GREB1L: variants seen among roughly 807,000 people sequenced by gnomAD.
GREB1L encodes the protein GREB1-like protein.
In GREB1L, 17 loss-of-function variants were observed where a neutral mutation model predicts 200.8. That is an observed-to-expected ratio of 0.08 (90% CI 0.06 to 0.13). GREB1L has a LOEUF of 0.13. Among genes scored for constraint, GREB1L ranks in the 10% least tolerant of loss-of-function variants. The probability of loss-of-function intolerance (pLI) is 1.00; values close to 1 mark genes in which losing one functional copy is unlikely to be tolerated. For missense variants in GREB1L, 1,657 were observed against 2,367.7 expected (o/e 0.70, Z 6.23); for synonymous variants, 789 against 893.0 (o/e 0.88, Z 2.08).
chr18:21,363,229 A>T (rs1437907615), intron 1 of GREB1L, among the ~76,000 whole-genome samples: 1 of 148,190 alleles, frequency 6.7e-6, no homozygotes, highest in African/African-American at 2.5e-5. Context: ...TTGAATATTG[A>T]TGAATAAAAG....
At chr18:21,465,068 C>T (rs2035213765) in intron 15 of GREB1L, among the ~76,000 whole-genome samples, 1 of 152,046 alleles carries the variant, frequency 6.6e-6, no homozygotes, top group Non-Finnish European at 1.5e-5. Flanking sequence ...AACTAATGAA[C>T]ATATCCATTA....
chr18:21,445,755 C>G (rs955495705), intron 11 of GREB1L, among the ~76,000 whole-genome samples: 1 of 152,164 alleles, frequency 6.6e-6, no homozygotes, highest in African/African-American at 2.4e-5. Flanking sequence ...TTGAAATTTA[C>G]AAGGCACCAA....
chr18:21,411,412 T>C (rs1477075387), intron 7 of GREB1L, among the ~76,000 whole-genome samples: 1 of 152,010 alleles, frequency 6.6e-6, no homozygotes, highest in African/African-American at 2.4e-5. Context: ...TTCACCATGT[T>C]AGCCAGGATG....
rs767917892 is a variant in GREB1L, at chr18:21,525,689, A to ACTT, written c.*2871_*2873dup. Among the ~76,000 whole-genome samples, 135 of 152,342 alleles carry ACTT rather than the reference A, an allele frequency of 8.9e-4. No individual in the cohort carries two copies. Among genetic ancestry groups the ACTT allele is most frequent in the Non-Finnish European group, 1.7e-3 (113 of 68,032 alleles). ...TTGTTATTGTTAATCTCCAGTTAAA[A>ACTT]CTTCTCAAACTTTTTGAGAGTGTCT... On this transcript the variant is annotated 3_prime_UTR_variant, in exon 33 of 33. Transcript: ENST00000424526.
chr18:21,274,405 A>G (rs563964498), intron 1 of GREB1L, among the ~76,000 whole-genome samples: 1 of 151,896 alleles, frequency 6.6e-6, no homozygotes, highest in South Asian at 2.1e-4. Flanking sequence ...CACACAAACA[A>G]CACAATTTTT....
At chr18:21,349,049 G>C (rs2039396034) in intron 1 of GREB1L, among the ~76,000 whole-genome samples, 1 of 152,156 alleles carries the variant, frequency 6.6e-6, no homozygotes, top group Non-Finnish European at 1.5e-5. Flanking sequence ...CTGAAGTCAA[G>C]TCCTGAATTT....
At chr18:21,517,310 G>A (rs1158100362) in intron 30 of GREB1L, among the ~76,000 whole-genome samples, 2 of 152,146 alleles carry the variant, frequency 1.3e-5, no homozygotes, top group Admixed American at 1.3e-4. Flanking sequence ...TTGGATTTAA[G>A]CCTTAACACA....
intron 1 of GREB1L, among the ~76,000 whole-genome samples, chr18:21,365,285 C>T (rs1156917077): frequency 6.6e-6 from 1 of 152,038 alleles, no homozygotes. Context: ...TAACAAAGGA[C>T]TAGAAATGCT....
At chr18:21,468,599 T>C in intron 15 of GREB1L, 1 of 398,004 alleles carries the variant, frequency 2.5e-6, no homozygotes, top group Non-Finnish European at 5.1e-6. Context: ...CTTCACTCAG[T>C]TTCTCTTAAA....
chr18:21,373,521 A>T (rs910568593), intron 2 of GREB1L, among the ~76,000 whole-genome samples: 3 of 152,132 alleles, frequency 2.0e-5, no homozygotes, highest in African/African-American at 7.2e-5. Context: ...TTCAGTAGAG[A>T]TAGAGTTTCA....
intron 1 of GREB1L, among the ~76,000 whole-genome samples, chr18:21,364,491 A>G (rs1251441915): frequency 6.6e-6 from 1 of 152,128 alleles, no homozygotes; most frequent in Non-Finnish European, 1.5e-5. Flanking sequence ...AAAAAAAAAA[A>G]TGATTTTGTC....
At chr18:21,281,641 A>G (rs1266204798) in intron 1 of GREB1L, among the ~76,000 whole-genome samples, 1 of 152,246 alleles carries the variant, frequency 6.6e-6, no homozygotes, top group Admixed American at 6.5e-5. Context: ...ATTTTGGTAC[A>G]TGTCCATTCT....
chr18:21,310,482 A>G (rs1471566863), intron 1 of GREB1L, among the ~76,000 whole-genome samples: 1 of 152,252 alleles, frequency 6.6e-6, no homozygotes. Context: ...CTGACTTACT[A>G]GAAAACAACT....
At chr18:21,398,222 A>C (rs2041167961) in intron 5 of GREB1L, among the ~76,000 whole-genome samples, 1 of 152,198 alleles carries the variant, frequency 6.6e-6, no homozygotes, top group Non-Finnish European at 1.5e-5. Context: ...TTCTAATCCC[A>C]GATTTGTCAC....
intron 7 of GREB1L, among the ~76,000 whole-genome samples, chr18:21,426,958 C>CAA (rs568993346): frequency 7.6e-4 from 52 of 68,362 alleles, no homozygotes; most frequent in Non-Finnish European, 1.6e-3. Flanking sequence ...GACTACGTCT[C>CAA]AAAAAAAAAA....
intron 1 of GREB1L, among the ~76,000 whole-genome samples, chr18:21,257,871 T>C (rs2037825876): frequency 6.6e-6 from 1 of 152,206 alleles, no homozygotes; most frequent in Admixed American, 6.5e-5. Context: ...CACATATCAT[T>C]TCTAATCCTC....
At chr18:21,404,106 G>A in intron 7 of GREB1L, 112 bp downstream of exon 7, 1 of 962,710 alleles carries the variant, frequency 1.0e-6, no homozygotes, top group South Asian at 1.7e-5. Context: ...CAAAATAAAG[G>A]TATTACTTGA....
chr18:21,249,054 A>T (rs2037654329), intron 1 of GREB1L, among the ~76,000 whole-genome samples: 1 of 152,250 alleles, frequency 6.6e-6, no homozygotes, highest in African/African-American at 2.4e-5. Flanking sequence ...GAAACCACCT[A>T]AACACCATGT....
At chr18:21,419,775 A>G (rs2031988380) in intron 7 of GREB1L, among the ~76,000 whole-genome samples, 1 of 152,238 alleles carries the variant, frequency 6.6e-6, no homozygotes, top group Admixed American at 6.5e-5. Flanking sequence ...CAAAAGCACA[A>G]AGACAATGCA....
Sources: allele counts gnomAD v4.1 joint callset (sites outside exome capture counted in the v4.1 genomes callset), GRCh38; gene constraint gnomAD v4.1.1; transcripts MANE v1.5; gene names NCBI Gene and HGNC (gene_info 2026-07-23, HGNC 2026-07-21).